Variants in ABTB2 observed in about 807,000 individuals in gnomAD.
ABTB2 encodes ankyrin repeat and BTB domain containing 2.
In ABTB2, 56 loss-of-function variants were observed where a neutral mutation model predicts 104.1. That is an observed-to-expected ratio of 0.54 (90% CI 0.43 to 0.67). The LOEUF (loss-of-function observed/expected upper bound fraction) is 0.67. Ranked by LOEUF, ABTB2 falls within the 30% of genes least tolerant of loss-of-function variation. ABTB2 has a pLI of 0.00. For missense variants in ABTB2, 1,279 were observed against 1,407.7 expected, an observed-to-expected ratio of 0.91 and a Z score of 1.46; for synonymous variants, 606 against 608.2, an observed-to-expected ratio of 1.00 and a Z score of 0.05.
intron 2 of ABTB2, among the ~76,000 whole-genome samples, chr11:34,199,459 G>C (rs1199388704): frequency 6.6e-6 from 1 of 152,168 alleles, no homozygotes; most frequent in African/African-American, 2.4e-5. Context: ...TGATTTCATT[G>C]GTCTGTGGCT....
chr11:34,297,792 A>C (rs150738921), intron 1 of ABTB2, among the ~76,000 whole-genome samples: 3,890 of 73,178 alleles, frequency 0.053, 271 homozygotes, highest in African/African-American at 0.13. Context: ...AAATAAAAAT[A>C]AAGGAAAGAA....
chr11:34,350,502 T>C (rs1376821544), intron 1 of ABTB2, among the ~76,000 whole-genome samples: 2 of 152,230 alleles, frequency 1.3e-5, no homozygotes, highest in African/African-American at 4.8e-5. Flanking sequence ...TGCCCTCTTC[T>C]TCCATCCCCA....
intron 1 of ABTB2, among the ~76,000 whole-genome samples, chr11:34,250,254 TGCAAGA>T (rs1029481175): frequency 1.3e-5 from 2 of 152,060 alleles, no homozygotes; most frequent in African/African-American, 4.8e-5. Flanking sequence ...AAGGTTTCAG[TGCAAGA>T]GCAGGGGCAA....
intron 8 of ABTB2, 39 bp downstream of exon 8, chr11:34,165,220 AG>A: frequency 2.0e-6 from 3 of 1,512,138 alleles, no homozygotes; most frequent in Non-Finnish European, 2.7e-6. Flanking sequence ...GGGGCACTGC[AG>A]GGAAGGGTAG....
chr11:34,256,305 C>G (rs1194722086), intron 1 of ABTB2, among the ~76,000 whole-genome samples: 2 of 152,130 alleles, frequency 1.3e-5, no homozygotes, highest in Non-Finnish European at 2.9e-5. Context: ...GTCTTTCTCC[C>G]CCCTCCCTTC....
At chr11:34,350,449 G>C (rs1373317692) in intron 1 of ABTB2, among the ~76,000 whole-genome samples, 1 of 152,198 alleles carries the variant, frequency 6.6e-6, no homozygotes, top group African/African-American at 2.4e-5. Flanking sequence ...GTCACCAGCA[G>C]GTGACACTTA....
At chr11:34,317,382 G>GT (rs1854946375) in intron 1 of ABTB2, among the ~76,000 whole-genome samples, 1 of 152,112 alleles carries the variant, frequency 6.6e-6, no homozygotes, top group South Asian at 2.1e-4. Flanking sequence ...CCCGCATCTT[G>GT]TATTTTTCCC....
intron 9 of ABTB2, 67 bp from the exon 10 acceptor site, chr11:34,162,872 C>T: frequency 4.9e-6 from 7 of 1,437,764 alleles, no homozygotes; most frequent in Non-Finnish European, 6.6e-6. Flanking sequence ...CTGAGCTGTC[C>T]CCCAGTGCCC....
intron 14 of ABTB2, among the ~76,000 whole-genome samples, chr11:34,156,393 C>T (rs375713274): frequency 6.6e-6 from 1 of 152,262 alleles, no homozygotes; most frequent in Non-Finnish European, 1.5e-5. Flanking sequence ...GAGGAAAGGC[C>T]CCAGACAGGA....
intron 1 of ABTB2, among the ~76,000 whole-genome samples, chr11:34,279,064 C>T (rs956553725): frequency 1.4e-4 from 21 of 152,190 alleles, no homozygotes; most frequent in Non-Finnish European, 1.5e-5. Flanking sequence ...CGTTTTCTTG[C>T]TAGGGTTCTC....
chr11:34,236,316 T>C (rs1853842651), intron 1 of ABTB2, among the ~76,000 whole-genome samples: 1 of 152,198 alleles, frequency 6.6e-6, no homozygotes, highest in Non-Finnish European at 1.5e-5. Context: ...CTTCCTTTGC[T>C]CTTGTTGTAG....
chr11:34,230,224 A>G (rs769121441), intron 1 of ABTB2, among the ~76,000 whole-genome samples: 5 of 152,202 alleles, frequency 3.3e-5, no homozygotes, highest in Non-Finnish European at 7.3e-5. Flanking sequence ...CCTTGGTGAC[A>G]CCATAGTCCT....
intron 3 of ABTB2, among the ~76,000 whole-genome samples, chr11:34,193,211 C>G (rs2982602): frequency 0.97 from 148,415 of 152,332 alleles, 72,420 homozygotes; most frequent in East Asian, 1. Context: ...GCTTGATCTC[C>G]GGTGATGACA....
At chr11:34,156,061 G>A (rs1364291738) in intron 14 of ABTB2, among the ~76,000 whole-genome samples, 1 of 152,198 alleles carries the variant, frequency 6.6e-6, no homozygotes, top group Non-Finnish European at 1.5e-5. Flanking sequence ...TGGCCTCAGG[G>A]CAGCCCCTAG....
chr11:34,152,122 T>G lies in ABTB2; in HGVS notation c.*265A>C. ...AGGGGAGAGCGACACCCCGGGGGAG[T>G]GCATGGCTGCCCTTGAGTTGCAAAC... is the stretch of plus-strand genomic sequence containing the variant. On this transcript the variant is annotated 3_prime_UTR_variant, in exon 17 of 17. Transcript: ENST00000435224. 8.4e-6 allele frequency: 4 copies of G among 478,768 alleles called. No homozygotes were observed. The highest frequency in any genetic ancestry group is 3.9e-5 in the East Asian group (1 of 25,432). The allele number at this position is 478,768 out of a possible 1,614,324, so 29.7% of individuals were successfully genotyped here.
chr11:34,181,508 G>T (rs116658841), intron 3 of ABTB2, among the ~76,000 whole-genome samples: 4,303 of 152,192 alleles, frequency 0.028, 186 homozygotes, highest in African/African-American at 0.097. Flanking sequence ...TCCCATCCTG[G>T]CAGGCCAAGC....
chr11:34,241,318 T>C (rs915523228), intron 1 of ABTB2, among the ~76,000 whole-genome samples: 3 of 152,128 alleles, frequency 2.0e-5, no homozygotes, highest in African/African-American at 7.2e-5. Flanking sequence ...AACATCCCCA[T>C]GTGCGTTGAG....
chr11:34,205,485 G>A (rs1443501834), intron 1 of ABTB2, among the ~76,000 whole-genome samples: 5 of 152,178 alleles, frequency 3.3e-5, no homozygotes, highest in Admixed American at 3.3e-4. Context: ...TGGCTCTTAA[G>A]AGCATGTGGC....
chr11:34,215,007 A>C (rs950439416), intron 1 of ABTB2, among the ~76,000 whole-genome samples: 3 of 152,202 alleles, frequency 2.0e-5, no homozygotes, highest in African/African-American at 7.2e-5. Context: ...AGTATCTATC[A>C]TCTGGCCCCT....
Sources: allele counts gnomAD v4.1 joint callset (sites outside exome capture counted in the v4.1 genomes callset), GRCh38; gene constraint gnomAD v4.1.1; transcripts MANE v1.5; gene names NCBI Gene and HGNC (gene_info 2026-07-23, HGNC 2026-07-21).